Variants in CCNY observed in about 807,000 individuals in gnomAD.
CCNY encodes cyclin-Y.
CCNY carries 19 observed loss-of-function variants against 42.8 expected under a neutral mutation model. That is an observed-to-expected ratio of 0.44 (90% CI 0.31 to 0.65). The LOEUF is 0.65. Among genes scored for constraint, CCNY ranks in the 30% least tolerant of loss-of-function variants. CCNY has a pLI of 0.07. For synonymous variants in CCNY, 165 were observed against 162.7 expected (o/e 1.01, Z -0.11); for missense variants, 370 against 437.3 (o/e 0.85, Z 1.37).
intron 1 of CCNY, among the ~76,000 whole-genome samples, chr10:35,401,795 T>C (rs150977769): frequency 6.6e-6 from 1 of 152,144 alleles, no homozygotes; most frequent in East Asian, 1.9e-4. Context: ...TCTCACAGAG[T>C]ACATTCTCAA....
intron 3 of CCNY, among the ~76,000 whole-genome samples, chr10:35,309,709 CTG>C (rs1361234840): frequency 1.3e-5 from 2 of 152,212 alleles, no homozygotes. Flanking sequence ...GCATGAGCCA[CTG>C]TGCCCAACCT....
At chr10:35,399,656 A>G (rs548374190) in intron 1 of CCNY, among the ~76,000 whole-genome samples, 1 of 152,360 alleles carries the variant, frequency 6.6e-6, no homozygotes, top group East Asian at 1.9e-4. Flanking sequence ...AGCCTGGGCA[A>G]CATAACGAGA....
intron 5 of CCNY, among the ~76,000 whole-genome samples, chr10:35,529,088 A>C (rs934779489): frequency 3.9e-5 from 6 of 152,240 alleles, no homozygotes; most frequent in Non-Finnish European, 8.8e-5. Context: ...TACTGTGTTC[A>C]CAGTGAAAGC....
intron 1 of CCNY, among the ~76,000 whole-genome samples, chr10:35,420,404 T>C (rs1838134444): frequency 6.6e-6 from 1 of 152,224 alleles, no homozygotes; most frequent in Non-Finnish European, 1.5e-5. Context: ...CTCTCACTTG[T>C]GCCCTCTTGT....
intron 1 of CCNY, among the ~76,000 whole-genome samples, chr10:35,442,546 A>G (rs776621132): frequency 5.3e-5 from 8 of 152,234 alleles, no homozygotes; most frequent in Non-Finnish European, 1.0e-4. Flanking sequence ...TTTTAAAAAC[A>G]AGTAGGAGTT....
chr10:35,431,194 G>A (rs1037232479), intron 1 of CCNY, among the ~76,000 whole-genome samples: 7 of 151,824 alleles, frequency 4.6e-5, no homozygotes, highest in Admixed American at 6.5e-5. Context: ...AACTAAGCCT[G>A]CTAATTTCAG....
intron 3 of CCNY, among the ~76,000 whole-genome samples, chr10:35,283,416 T>C (rs1835318686): frequency 6.6e-6 from 1 of 152,114 alleles, no homozygotes; most frequent in African/African-American, 2.4e-5. Context: ...TTTTTTTTTT[T>C]TAGAGACTGA....
Position 35,516,559 on chromosome 10 carries a change from T to C in CCNY, c.301T>C (p.Cys101Arg). ...ACAAATAGCAAGGAAATACAGTTCC[T>C]GCTCCACCATTTTCCTAGATGATAG... ...PGQIARKYSS[C>R]STIFLDDSTV... The change falls in exon 4 of 10, where the codon TGC becomes CGC. Residue 101 changes from cysteine to arginine, a missense_variant. Cys to Arg is a radical substitution (Grantham distance 180). Coordinates refer to ENST00000374704, the MANE Select transcript of CCNY (RefSeq NM_145012.6). The C allele has an allele frequency of 3.1e-6, 5 of 1,613,704 alleles. No individual in the cohort carries two copies. Among genetic ancestry groups the C allele is most frequent in the Non-Finnish European group, 4.2e-6 (5 of 1,179,828 alleles).
At chr10:35,546,529 G>T (rs1841119645) in intron 7 of CCNY, among the ~76,000 whole-genome samples, 1 of 152,214 alleles carries the variant, frequency 6.6e-6, no homozygotes, top group South Asian at 2.1e-4. Flanking sequence ...ATTTTACTTG[G>T]CAGAGAGTTA....
intron 1 of CCNY, among the ~76,000 whole-genome samples, chr10:35,378,632 G>A (rs1239490066): frequency 6.6e-6 from 1 of 152,090 alleles, no homozygotes; most frequent in African/African-American, 2.4e-5. Flanking sequence ...AGTGTTGGGC[G>A]AGGGAGATGA....
At chr10:35,522,168 C>T (rs1216908101) in intron 4 of CCNY, among the ~76,000 whole-genome samples, 4 of 151,906 alleles carry the variant, frequency 2.6e-5, no homozygotes, top group African/African-American at 9.7e-5. Flanking sequence ...GCACCGCCAC[C>T]TCTACACTGA....
chr10:35,465,838 A>G (rs905872672), intron 1 of CCNY, among the ~76,000 whole-genome samples: 4 of 151,250 alleles, frequency 2.6e-5, no homozygotes, highest in African/African-American at 4.9e-5. Flanking sequence ...AGCACTGCCT[A>G]TCATTGCTGT....
rs561179981 is a variant in CCNY at position 35,451,457 on chromosome 10, T to C, written c.155-31947T>C. Reference sequence around the variant, plus strand: ...TGTCGTCTTAAAATGACTGGAAAGTTGGTGATGAACAGAAGGCTTATTTTG... The same window carrying C: ...TGTCGTCTTAAAATGACTGGAAAGTCGGTGATGAACAGAAGGCTTATTTTG... On this transcript the variant is annotated intron_variant, in intron 1 of 9. Coordinates refer to ENST00000374704, the MANE Select transcript of CCNY (RefSeq NM_145012.6). Among the ~76,000 whole-genome samples, 4 of 152,280 alleles carry C rather than the reference T, an allele frequency of 2.6e-5. No individual in the cohort carries two copies. In the South Asian group the frequency reaches 8.3e-4, roughly 32 times the overall value.
At chr10:35,520,451 A>G (rs1840525378) in intron 4 of CCNY, among the ~76,000 whole-genome samples, 1 of 152,028 alleles carries the variant, frequency 6.6e-6, no homozygotes, top group Non-Finnish European at 1.5e-5. Flanking sequence ...TGATAACACA[A>G]TCATTAATAT....
At chr10:35,332,702 T>C (rs1835960291), upstream of CCNY, among the ~76,000 whole-genome samples, 1 of 152,164 alleles carries the variant, frequency 6.6e-6, no homozygotes, top group Admixed American at 6.5e-5. Context: ...CCTCCCGGGT[T>C]CACACCATTC....
At chr10:35,412,590 T>G (rs1207092152) in intron 1 of CCNY, among the ~76,000 whole-genome samples, 1 of 151,466 alleles carries the variant, frequency 6.6e-6, no homozygotes, top group Non-Finnish European at 1.5e-5. Context: ...GTGGCTCATG[T>G]CTGTAATCCC....
intron 3 of CCNY, among the ~76,000 whole-genome samples, chr10:35,298,642 G>A (rs903154506): frequency 6.6e-6 from 1 of 152,122 alleles, no homozygotes; most frequent in African/African-American, 2.4e-5. Flanking sequence ...TCAGCCGCCT[G>A]AGTAGCTAGG....
At chr10:35,356,533 TG>T (rs979762527) in intron 1 of CCNY, among the ~76,000 whole-genome samples, 2 of 152,110 alleles carry the variant, frequency 1.3e-5, no homozygotes, top group African/African-American at 4.8e-5. Context: ...GTGCTTCACA[TG>T]GGGTGGGTCC....
intron 1 of CCNY, chr10:35,394,671 C>T: frequency 5.7e-6 from 1 of 174,388 alleles, no homozygotes; most frequent in Non-Finnish European, 1.1e-5. Context: ...CGCATAGACA[C>T]TTGTTAATAT....
Sources: allele counts gnomAD v4.1 joint callset (sites outside exome capture counted in the v4.1 genomes callset), GRCh38; gene constraint gnomAD v4.1.1; transcripts MANE v1.5; gene names NCBI Gene and HGNC (gene_info 2026-07-23, HGNC 2026-07-21).